The following AGFG2 variants were observed in gnomAD, a reference collection of about 807,000 sequenced individuals.
The protein encoded by AGFG2 is ArfGAP with FG repeats 2.
Under a neutral mutation model 48.0 loss-of-function variants are expected in AGFG2, and 31 were observed. The observed-to-expected ratio is 0.65, with a 90% CI of 0.49 to 0.87. The LOEUF is 0.87. Ranked by LOEUF, AGFG2 falls within the 40% of genes least tolerant of loss-of-function variation. The pLI, the probability that AGFG2 is intolerant of heterozygous loss-of-function variation, is 0.00. For synonymous variants in AGFG2, 229 were observed against 260.8 expected, an observed-to-expected ratio of 0.88 and a Z score of 1.18; for missense variants, 599 against 632.6, an observed-to-expected ratio of 0.95 and a Z score of 0.57.
intron 1 of AGFG2, among the ~76,000 whole-genome samples, chr7:100,548,388 C>T (rs1800555422): frequency 6.6e-6 from 1 of 152,130 alleles, no homozygotes; most frequent in Admixed American, 6.6e-5. Flanking sequence ...TTTTGGCTCA[C>T]TGTAGCCTCT....
intron 9 of AGFG2, 47 bp from the exon 10 acceptor site, chr7:100,563,787 C>T (rs769243568): frequency 6.2e-7 from 1 of 1,604,500 alleles, no homozygotes; most frequent in South Asian, 1.1e-5. Flanking sequence ...AGTTCTCCAG[C>T]CCACCTTCCA....
Position 100,565,175 on chromosome 7 carries a change from C to T in AGFG2, c.*184C>T. On this transcript the variant is annotated 3_prime_UTR_variant, in exon 12 of 12. Transcript: ENST00000300176. The stretch of plus-strand genomic sequence containing the variant: ...GATTCCACAAAGCCTCTCTCCCCTC[C>T]CTCGTCCCACCCCCACCCAGGCAGG... The T allele has an allele frequency of 1.5e-6, 1 of 666,426 alleles. No individual in the cohort carries two copies. The highest frequency in any genetic ancestry group is 1.8e-5 in the South Asian group (1 of 55,286). The allele number at this position is 666,426 out of a possible 1,614,324, so 41.3% of individuals were successfully genotyped here. A position where few individuals can be genotyped will look rare whatever the true frequency, so the allele number is the denominator to read the frequency against.
At chr7:100,545,679 C>T (rs1338934485) in intron 1 of AGFG2, among the ~76,000 whole-genome samples, 1 of 152,122 alleles carries the variant, frequency 6.6e-6, no homozygotes, top group Non-Finnish European at 1.5e-5. Flanking sequence ...CTGTGATTAC[C>T]TCTTTTGGGA....
intron 1 of AGFG2, among the ~76,000 whole-genome samples, chr7:100,541,577 C>T (rs1429790911): frequency 6.6e-6 from 1 of 151,936 alleles, no homozygotes; most frequent in Non-Finnish European, 1.5e-5. Context: ...GCCTGGCCAA[C>T]ATGGCGAAAT....
At position 100,562,938 on chromosome 7, in the gene AGFG2, T is replaced by G. The variant is rs754998615; in HGVS notation, c.1163T>G (p.Leu388Trp). 4 of 1,613,854 alleles carry G rather than the reference T, an allele frequency of 2.5e-6. No homozygotes were observed. The East Asian group carries it at 8.9e-5, about 36-fold the overall frequency. ...ACCAACCCGTTCCAGCCCAATGGCT[T>G]GGCGCCAGGTAAGCCTCCAGCATGG... The part of the protein sequence containing the change: ...PSTNPFQPNG[L>W]APGPGFGMSS... The change falls in exon 9 of 12, where the codon TTG (leucine) becomes TGG (tryptophan). Residue 388 changes from leucine (L) to tryptophan (W), a missense_variant. Physicochemically the swap from Leu to Trp is moderately conservative, Grantham distance 61. Coordinates refer to ENST00000300176, the MANE Select transcript of AGFG2 (RefSeq NM_006076.5). The surrounding 1 kb of genome is among the most constrained non-coding windows in gnomAD (Gnocchi z 5.4).
At chr7:100,548,589 A>G (rs1800558872) in intron 1 of AGFG2, among the ~76,000 whole-genome samples, 1 of 152,180 alleles carries the variant, frequency 6.6e-6, no homozygotes, top group African/African-American at 2.4e-5. Flanking sequence ...CTGGGATTAC[A>G]GGTGTGAGTC....
At position 100,539,438 on chromosome 7, in the gene AGFG2, G is replaced by A; in HGVS notation, c.92G>A (p.Arg31His). 5 of 1,326,304 alleles carry A rather than the reference G, an allele frequency of 3.8e-6. No individual in the cohort carries two copies. The highest frequency in any genetic ancestry group is 3.9e-6 in the Non-Finnish European group (4 of 1,034,848). 82.2% of individuals were successfully genotyped at this position (1,326,304 alleles called of 1,614,324 possible). ...GAGGCGGCCTCGGAGGTGTGGTGCC[G>A]TCGGGTGCGGGAGCTGGGTGGCTGC... is the stretch of plus-strand genomic sequence containing the variant. Reference protein sequence around the residue: ...EAEAASEVWCRRVRELGGCSQ... With the variant: ...EAEAASEVWCHRVRELGGCSQ... Residue 31 changes from arginine to histidine, a missense_variant, in exon 1 of 12, where the codon CGT (arginine) becomes CAT (histidine). Coordinates refer to ENST00000300176, the MANE Select transcript of AGFG2 (RefSeq NM_006076.5).
chr7:100,543,760 A>G (rs1402036395), intron 1 of AGFG2, among the ~76,000 whole-genome samples: 1 of 152,164 alleles, frequency 6.6e-6, no homozygotes, highest in Admixed American at 6.6e-5. Flanking sequence ...GCAAAAACCT[A>G]CAGCGTTGGT....
chr7:100,564,690 G>A (rs528444065), intron 11 of AGFG2, among the ~76,000 whole-genome samples: 1 of 152,200 alleles, frequency 6.6e-6, no homozygotes, highest in Admixed American at 6.5e-5. Flanking sequence ...TTTTAGTAGA[G>A]ATAGGGTTTT....
At chr7:100,563,290 C>T (rs1800919160) in intron 9 of AGFG2, among the ~76,000 whole-genome samples, 1 of 152,236 alleles carries the variant, frequency 6.6e-6, no homozygotes, top group African/African-American at 2.4e-5. Flanking sequence ...ACCTGAAACA[C>T]TCACGCTGTT....
Position 100,565,271 on chromosome 7 carries a change from A to C in AGFG2, c.*280A>C. The C allele has an allele frequency of 1.9e-6, 1 of 525,794 alleles. No individual in the cohort carries two copies. The highest frequency in any genetic ancestry group is 3.4e-5 in the East Asian group (1 of 29,636). 32.6% of individuals were successfully genotyped at this position (525,794 alleles called of 1,614,324 possible). A position where few individuals can be genotyped will look rare whatever the true frequency, so the allele number is the denominator to read the frequency against. On this transcript the variant is annotated 3_prime_UTR_variant, in exon 12 of 12. Coordinates refer to ENST00000300176, the MANE Select transcript of AGFG2 (RefSeq NM_006076.5). ...GTTGAGGGGGAGGGATTTTTTTCAA[A>C]TGATCAGTCCCCTGTGGAACAGCTC...
At chr7:100,555,045 G>A (rs1800729109) in intron 5 of AGFG2, among the ~76,000 whole-genome samples, 2 of 151,858 alleles carry the variant, frequency 1.3e-5, no homozygotes, top group Non-Finnish European at 2.9e-5. Flanking sequence ...ATGGAGTAAG[G>A]ACAGAAGAGG....
At chr7:100,539,748 G>A (rs1215435348) in intron 1 of AGFG2, among the ~76,000 whole-genome samples, 181 bp downstream of exon 1, 1 of 152,106 alleles carries the variant, frequency 6.6e-6, no homozygotes, top group Non-Finnish European at 1.5e-5. Context: ...GGAGGGGAAA[G>A]GGCAGGGGAG....
Position 100,562,897 on chromosome 7 carries a change from G to T in AGFG2, c.1122G>T (p.Gln374His). 9.3e-6 allele frequency: 15 copies of T among 1,614,110 alleles called. No homozygotes were observed. The highest frequency in any genetic ancestry group is 1.3e-5 in the Non-Finnish European group (15 of 1,179,980). Residue 374 changes from glutamine (Q) to histidine (H), a missense_variant, in exon 9 of 12, where the codon CAG (glutamine) becomes CAT (histidine). Coordinates refer to ENST00000300176, the MANE Select transcript of AGFG2 (RefSeq NM_006076.5). This position sits in a 1 kb window ranked among gnomAD's most constrained non-coding sequence, Gnocchi z 5.4. Reference protein sequence around the residue: ...FTNPFTAPAAQSPLPSTNPFQ... With the variant: ...FTNPFTAPAAHSPLPSTNPFQ... ...ACCCTTTCACAGCTCCCGCCGCCCA[G>T]TCCCCGCTGCCTTCCACCAACCCGT...
At chr7:100,542,851 G>A (rs1800446713) in intron 1 of AGFG2, among the ~76,000 whole-genome samples, 1 of 152,278 alleles carries the variant, frequency 6.6e-6, no homozygotes, top group Non-Finnish European at 1.5e-5. Context: ...CAGTCAACAC[G>A]AACTTATTCA....
At chr7:100,560,881 G>C (rs551513048) in intron 6 of AGFG2, among the ~76,000 whole-genome samples, 1 of 137,990 alleles carries the variant, frequency 7.2e-6, no homozygotes, top group Non-Finnish European at 1.5e-5. Flanking sequence ...ATATGATCTC[G>C]GCTCACTGCA....
chr7:100,562,671 T>G lies in AGFG2; in HGVS notation c.1076T>G (p.Leu359Arg), dbSNP rs1800904115. 6.2e-7 allele frequency: 1 copy of G among 1,607,824 alleles called. No individual in the cohort carries two copies. Among genetic ancestry groups the G allele is most frequent in the Non-Finnish European group, 8.5e-7 (1 of 1,179,370 alleles). The change falls in exon 8 of 12, where the codon CTG becomes CGG. Residue 359 changes from leucine (L) to arginine (R), a missense_variant. Physicochemically the swap from Leu to Arg is moderately radical, Grantham distance 102. Coordinates refer to ENST00000300176, the MANE Select transcript of AGFG2 (RefSeq NM_006076.5). The surrounding 1 kb of genome is among the most constrained non-coding windows in gnomAD (Gnocchi z 5.4). ...MGGGGGSSTG[L>R]AFGAFTNPFT... ...GGCGGCGGCGGCAGCAGCACAGGGC[T>G]GGCCTTTGGAGGTGAGTCCTGCCTG...
chr7:100,553,578 C>T (rs916491932), intron 4 of AGFG2, 78 bp downstream of exon 4: 26 of 1,506,906 alleles, frequency 1.7e-5, no homozygotes, highest in Middle Eastern at 2.2e-4. Context: ...TCAGATTCCC[C>T]GGACTTAGCA....
Position 100,540,910 on chromosome 7 carries a change from G to A in AGFG2, c.221+1343G>A, listed in dbSNP as rs1316117611. ...ACCTGTACTCCCAGCTACTTGGGAG[G>A]CTGAGGCAGGAGAATCACTTGAACC... On this transcript the variant is annotated intron_variant, in intron 1 of 11. Coordinates refer to ENST00000300176, the MANE Select transcript of AGFG2 (RefSeq NM_006076.5). Among the ~76,000 whole-genome samples the A allele has an allele frequency of 9.9e-5, 15 of 151,724 alleles. No homozygotes were observed. In the East Asian group the frequency reaches 2.7e-3, roughly 27 times the overall value.
Sources: gnomAD v4.1 joint callset for allele counts (sites outside exome capture counted in the v4.1 genomes callset) on GRCh38, gnomAD v4.1.1 for gene constraint, Gnocchi (gnomAD v3.1) non-coding constraint, MANE v1.5 for transcripts, NCBI Gene and HGNC (gene_info 2026-07-23, HGNC 2026-07-21) for gene names.